The following PALM variants were observed in gnomAD, a reference collection of about 807,000 sequenced individuals.
PALM encodes paralemmin-1.
In PALM, 18 loss-of-function variants were observed where a neutral mutation model predicts 30.7. The observed-to-expected ratio is 0.59, with a 90% CI of 0.41 to 0.87. The LOEUF (loss-of-function observed/expected upper bound fraction) is 0.87, where lower values mean the gene tolerates loss of function less well. PALM is among the 40% of genes least tolerant of loss of function. The probability of loss-of-function intolerance (pLI) is 0.00; values close to 1 mark genes in which losing one functional copy is unlikely to be tolerated. For synonymous variants in PALM, 286 were observed against 242.8 expected, an observed-to-expected ratio of 1.18 and a Z score of -1.66; for missense variants, 529 against 555.4, an observed-to-expected ratio of 0.95 and a Z score of 0.48.
intron 3 of PALM, among the ~76,000 whole-genome samples, 158 bp downstream of exon 3, chr19:727,246 CCCCGACCCTGACCCCAA>C (rs1237630229): frequency 6.8e-6 from 1 of 147,068 alleles, no homozygotes; most frequent in African/African-American, 2.5e-5. Flanking sequence ...CCGACCCCGA[CCCCGACCCTGACCCCAA>C]CCTGACCCCG....
At chr19:714,977 A>T (rs1234331559) in intron 1 of PALM, among the ~76,000 whole-genome samples, 4 of 152,166 alleles carry the variant, frequency 2.6e-5, no homozygotes, top group Admixed American at 2.6e-4. Flanking sequence ...TAAAAGCATC[A>T]TATGGGCCGG....
At chr19:717,312 C>T (rs1321904662) in intron 1 of PALM, among the ~76,000 whole-genome samples, 1 of 152,136 alleles carries the variant, frequency 6.6e-6, no homozygotes, top group Non-Finnish European at 1.5e-5. Context: ...CCCCTCCCGT[C>T]CCCCTCCCCC....
At chr19:744,166 T>A (rs1971637) in intron 8 of PALM, among the ~76,000 whole-genome samples, 1 of 151,706 alleles carries the variant, frequency 6.6e-6, no homozygotes, top group Non-Finnish European at 1.5e-5. Flanking sequence ...TTTGGGAGGC[T>A]GAGGCAGGAG....
At position 719,294 on chromosome 19, in the gene PALM, C is replaced by G; in HGVS notation, c.6-6844C>G. ...TCTGGGCCCTTCCAACACCAACGCCCCGCACCGCGGAGGCCTCTGCGGGGC... is the reference window on the plus strand; with the variant it reads ...TCTGGGCCCTTCCAACACCAACGCCGCGCACCGCGGAGGCCTCTGCGGGGC... On this transcript the variant is annotated intron_variant, in intron 1 of 8. Coordinates refer to ENST00000338448, the MANE Select transcript of PALM (RefSeq NM_002579.3). 4.1e-6 allele frequency: 4 copies of G among 985,400 alleles called. No individual in the cohort carries two copies. The South Asian group carries it at 1.4e-4, about 35-fold the overall frequency. 61.0% of individuals were successfully genotyped at this position (985,400 alleles called of 1,614,324 possible). A position where few individuals can be genotyped will look rare whatever the true frequency, so the allele number is the denominator to read the frequency against.
At position 726,995 on chromosome 19, in the gene PALM, G is replaced by GCCCCCCCCCCCCCC; in HGVS notation, c.58-10_58-9insCCCCCCCCCCCCCC. 2.7e-6 allele frequency: 2 copies of GCCCCCCCCCCCCCC among 753,614 alleles called. No individual in the cohort carries two copies. The highest frequency in any genetic ancestry group is 4.2e-6 in the Non-Finnish European group (2 of 479,440). 46.7% of individuals were successfully genotyped at this position (753,614 alleles called of 1,614,324 possible). A position where few individuals can be genotyped will look rare whatever the true frequency, so the allele number is the denominator to read the frequency against. The stretch of plus-strand genomic sequence containing the variant: ...CCACGCCCATCCCTGACCCCACCCG[G>GCCCCCCCCCCCCCC]CCCTCCCCACAGGAGAAGCGGAAGC... On this transcript the variant is annotated splice_polypyrimidine_tract_variant and intron_variant, in intron 2 of 8. Transcript: ENST00000338448.
Position 731,251 on chromosome 19 carries a change from G to C in PALM, c.420+6G>C, listed in dbSNP as rs762149204. 2 of 1,599,404 alleles carry C rather than the reference G, an allele frequency of 1.3e-6. No homozygotes were observed. Among genetic ancestry groups the C allele is most frequent in the South Asian group, 1.1e-5 (1 of 89,176 alleles). ...TGGTGATGAATTCACAGCAGGTAAG[G>C]GGGTGACTGGGGGGAGCGGATCCCC... On this transcript the variant is annotated splice_donor_region_variant and intron_variant, in intron 5 of 8. Coordinates refer to ENST00000338448, the MANE Select transcript of PALM (RefSeq NM_002579.3).
intron 8 of PALM, among the ~76,000 whole-genome samples, chr19:745,859 G>A (rs1305077643): frequency 1.3e-5 from 2 of 152,038 alleles, no homozygotes; most frequent in Non-Finnish European, 2.9e-5. Flanking sequence ...AGGAGTTCGA[G>A]ACCAGCCTGG....
chr19:747,223 C>T lies in PALM; in HGVS notation c.*409C>T, dbSNP rs775987411. On this transcript the variant is annotated 3_prime_UTR_variant, in exon 9 of 9. Coordinates refer to ENST00000338448, the MANE Select transcript of PALM (RefSeq NM_002579.3). ...TGTGCCTTTCTCTGAGGGGACACCC[C>T]GCCAGAGAGGGCCCCGGGAGCCGGG... 15 of 177,854 alleles carry T rather than the reference C, an allele frequency of 8.4e-5. No homozygotes were observed. Among genetic ancestry groups the T allele is most frequent in the Admixed American group, 3.5e-4 (6 of 17,224 alleles). The allele number at this position is 177,854 out of a possible 1,614,324, so 11.0% of individuals were successfully genotyped here.
At position 746,820 on chromosome 19, in the gene PALM, C is replaced by G; in HGVS notation, c.*6C>G. The G allele has an allele frequency of 6.7e-7, 1 of 1,491,484 alleles. No homozygotes were observed. The highest frequency in any genetic ancestry group is 8.9e-7 in the Non-Finnish European group (1 of 1,118,616). The allele number at this position is 1,491,484 out of a possible 1,614,324, so 92.4% of individuals were successfully genotyped here. ...AATGCTGCTCCATCATGTGAGCCGG[C>G]CCCCGAGACCCCGGCCCCCACCCCA... On this transcript the variant is annotated 3_prime_UTR_variant, in exon 9 of 9. Transcript: ENST00000338448. The surrounding 1 kb of genome is among the most constrained non-coding windows in gnomAD (Gnocchi z 7.1).
In PALM at chr19:740,495, C is replaced by A; in HGVS notation, c.634+12C>A. 1 of 1,546,346 alleles carries A rather than the reference C, an allele frequency of 6.5e-7. No individual in the cohort carries two copies. Among genetic ancestry groups the A allele is most frequent in the South Asian group, 1.2e-5 (1 of 83,586 alleles). On this transcript the variant is annotated intron_variant, in intron 8 of 8. Coordinates refer to ENST00000338448, the MANE Select transcript of PALM (RefSeq NM_002579.3). ...GGACGAGACCAAAGGTACGAGCACC[C>A]CGGCCCCTGCCCTCCCTCCACCTGG... is the stretch of plus-strand genomic sequence containing the variant.
Position 746,877 on chromosome 19 carries a change from C to T in PALM, c.*63C>T, listed in dbSNP as rs866031525. ...AGACACCCACCAGCCCGGCCCCTCC[C>T]GGCGCCTGCCCACCCTCCACCCACA... On this transcript the variant is annotated 3_prime_UTR_variant, in exon 9 of 9. Transcript: ENST00000338448. The surrounding 1 kb of genome is among the most constrained non-coding windows in gnomAD (Gnocchi z 7.1). 1.4e-5 allele frequency: 14 copies of T among 968,740 alleles called. No homozygotes were observed. Among genetic ancestry groups the T allele is most frequent in the African/African-American group, 3.3e-5 (2 of 61,044 alleles). 60.0% of individuals were successfully genotyped at this position (968,740 alleles called of 1,614,324 possible). A position where few individuals can be genotyped will look rare whatever the true frequency, so the allele number is the denominator to read the frequency against.
intron 1 of PALM, among the ~76,000 whole-genome samples, chr19:719,906 T>TC (rs767785896): frequency 6.6e-6 from 1 of 152,034 alleles, no homozygotes; most frequent in Non-Finnish European, 1.5e-5. Context: ...GCCGTTTTGA[T>TC]CCGTGCGTCG....
In PALM at chr19:747,260, A is replaced by T. The variant is rs1198727716; in HGVS notation, c.*446A>T. ...CCCCGGGAGCCGGGGGTGGGTACTG[A>T]GGCCTGCTCAGGCCCTGGAAGTGAG... On this transcript the variant is annotated 3_prime_UTR_variant, in exon 9 of 9. Coordinates refer to ENST00000338448, the MANE Select transcript of PALM (RefSeq NM_002579.3). 1 of 167,978 alleles carries T rather than the reference A, an allele frequency of 6.0e-6. No homozygotes were observed. The highest frequency in any genetic ancestry group is 6.0e-5 in the Admixed American group (1 of 16,666). 10.4% of individuals were successfully genotyped at this position (167,978 alleles called of 1,614,324 possible). A position where few individuals can be genotyped will look rare whatever the true frequency, so the allele number is the denominator to read the frequency against.
rs544104828 is a variant in PALM, at chr19:709,914, G to T, written c.5+763G>T. Among the ~76,000 whole-genome samples, 20,761 of 151,996 alleles carry T rather than the reference G, an allele frequency of 0.14. 1,612 individuals are homozygous for T. Among genetic ancestry groups the T allele is most frequent in the African/African-American group, 0.19 (7,942 of 41,428 alleles). ...CGCATGGCTGCGCCTGTGTGTGTGGGGGGGGGGTGGCCAGTGGAGGCACCG... is the reference window on the plus strand; with the variant it reads ...CGCATGGCTGCGCCTGTGTGTGTGGTGGGGGGGTGGCCAGTGGAGGCACCG... On this transcript the variant is annotated intron_variant, in intron 1 of 8. Coordinates refer to ENST00000338448, the MANE Select transcript of PALM (RefSeq NM_002579.3). The surrounding 1 kb of genome is among the most constrained non-coding windows in gnomAD (Gnocchi z 4.3).
intron 7 of PALM, among the ~76,000 whole-genome samples, chr19:736,651 C>T (rs2033033535): frequency 1.3e-5 from 2 of 152,212 alleles, no homozygotes; most frequent in Admixed American, 6.5e-5. Flanking sequence ...GGGGTGGGAC[C>T]TCAGTACGCC....
chr19:719,757 C>T, intron 1 of PALM: 1 of 503,322 alleles, frequency 2.0e-6, no homozygotes, highest in Non-Finnish European at 2.6e-6. Context: ...GACTCCCCCG[C>T]GCCTGGCGGG....
At chr19:723,023 A>C (rs1382830983) in intron 1 of PALM, 1 of 152,602 alleles carries the variant, frequency 6.6e-6, no homozygotes, top group Non-Finnish European at 1.5e-5. Flanking sequence ...TGGGGTGGGC[A>C]GGCGGGGCGC....
At chr19:724,178 C>CGT (rs1347842954) in intron 1 of PALM, among the ~76,000 whole-genome samples, 2 of 151,968 alleles carry the variant, frequency 1.3e-5, no homozygotes, top group Non-Finnish European at 2.9e-5. Flanking sequence ...GGCGAGTGAG[C>CGT]GTGTGGTGGG....
At chr19:723,898 C>A (rs1428531439) in intron 1 of PALM, among the ~76,000 whole-genome samples, 1 of 151,742 alleles carries the variant, frequency 6.6e-6, no homozygotes, top group Non-Finnish European at 1.5e-5. Context: ...GCCCGGCCTG[C>A]TTTTTGCATT....
Sources: allele counts gnomAD v4.1 joint callset (sites outside exome capture counted in the v4.1 genomes callset), GRCh38; gene constraint gnomAD v4.1.1; non-coding constraint Gnocchi (gnomAD v3.1); transcripts MANE v1.5; gene names NCBI Gene and HGNC (gene_info 2026-07-23, HGNC 2026-07-21).